IGBP1C: variants seen among roughly 807,000 people sequenced by gnomAD.
IGBP1C encodes immunoglobulin-binding protein 1 family member C.
the IGBP1C span, among the ~76,000 whole-genome samples, chr17:58,684,454 C>A: frequency 6.7e-6 from 1 of 148,632 alleles, no homozygotes; most frequent in Non-Finnish European, 1.5e-5. Flanking sequence ...AAGAGCGAAA[C>A]TCCGTCCCAA....
chr17:58,677,549 A>G, the IGBP1C span: 1 of 152,252 alleles, frequency 6.6e-6, no homozygotes, highest in African/African-American at 2.4e-5. Context: ...CACATTGGCT[A>G]CTTCCCATTT....
chr17:58,692,021 G>C, the IGBP1C span: 1 of 153,458 alleles, frequency 6.5e-6, no homozygotes, highest in African/African-American at 2.4e-5. Flanking sequence ...CGACTCCCGG[G>C]AAGACGTGGG....
chr17:58,663,279 G>A, the IGBP1C span, among the ~76,000 whole-genome samples: 15 of 151,328 alleles, frequency 9.9e-5, no homozygotes, highest in African/African-American at 2.9e-4. Context: ...AAAATTAGCC[G>A]GTTGTGGCGG....
At chr17:58,684,751 G>T in the IGBP1C span, among the ~76,000 whole-genome samples, 3 of 152,130 alleles carry the variant, frequency 2.0e-5, no homozygotes, top group African/African-American at 7.2e-5. Flanking sequence ...GAGGTGGGCA[G>T]ATCACCTGAG....
chr17:58,668,113 C>CTGATCAGGA, the IGBP1C span, among the ~76,000 whole-genome samples: 3 of 152,174 alleles, frequency 2.0e-5, no homozygotes, highest in South Asian at 6.2e-4. Flanking sequence ...CCCAGCCTGT[C>CTGATCAGGA]TTCAGCAAGA....
the IGBP1C span, among the ~76,000 whole-genome samples, chr17:58,680,426 T>G: frequency 6.6e-5 from 10 of 152,186 alleles, no homozygotes; most frequent in African/African-American, 2.2e-4. Context: ...AAAGATCAAT[T>G]GCACAAACGC....
At chr17:58,666,458 C>CA in the IGBP1C span, 15 of 36,834 alleles carry the variant, frequency 4.1e-4, 2 homozygotes, top group African/African-American at 1.3e-3. Flanking sequence ...CCTTCCACGG[C>CA]AAAAAAAAAA....
At chr17:58,684,678 TAAAA>T in the IGBP1C span, among the ~76,000 whole-genome samples, 34 of 146,120 alleles carry the variant, frequency 2.3e-4, no homozygotes, top group African/African-American at 7.4e-4. Context: ...AATAAATAAA[TAAAA>T]AGCTTTCTTC....
At chr17:58,676,740 C>T in the IGBP1C span, among the ~76,000 whole-genome samples, 2 of 152,130 alleles carry the variant, frequency 1.3e-5, no homozygotes, top group Non-Finnish European at 2.9e-5. Flanking sequence ...AATCCCAGCA[C>T]CTTGAGAGGC....
the IGBP1C span, among the ~76,000 whole-genome samples, chr17:58,679,132 C>G: frequency 9.9e-5 from 15 of 151,864 alleles, no homozygotes; most frequent in African/African-American, 3.6e-4. Flanking sequence ...CCAGCCTGGG[C>G]TACAAGAGCG....
chr17:58,676,403 A>C, the IGBP1C span, among the ~76,000 whole-genome samples: 48 of 149,442 alleles, frequency 3.2e-4, no homozygotes, highest in Admixed American at 1.1e-3. Context: ...ACAAAAAAAA[A>C]CACAAAAAAA....
At chr17:58,680,540 G>A in the IGBP1C span, among the ~76,000 whole-genome samples, 6 of 152,020 alleles carry the variant, frequency 3.9e-5, no homozygotes, top group South Asian at 8.3e-4. Flanking sequence ...TCAGGAATTC[G>A]AGACCAGCCT....
chr17:58,664,943 A>G, the IGBP1C span, among the ~76,000 whole-genome samples: 1 of 152,148 alleles, frequency 6.6e-6, no homozygotes. Flanking sequence ...GGGCTGAAGT[A>G]TAAGTTTTCC....
chr17:58,667,557 C>G, the IGBP1C span, among the ~76,000 whole-genome samples: 1 of 152,132 alleles, frequency 6.6e-6, no homozygotes, highest in Non-Finnish European at 1.5e-5. Flanking sequence ...GGAATCATCC[C>G]CATTTCATGG....
the IGBP1C span, among the ~76,000 whole-genome samples, chr17:58,662,002 T>C: frequency 6.6e-6 from 1 of 151,940 alleles, no homozygotes; most frequent in Admixed American, 6.6e-5. Flanking sequence ...AAGATTCAAG[T>C]ATCTGCAGTT....
the IGBP1C span, chr17:58,661,270 G>C: frequency 5.0e-6 from 4 of 802,350 alleles, no homozygotes; most frequent in Admixed American, 6.8e-5. Flanking sequence ...ATTTTATAAA[G>C]TGTTCGCGAG....
chr17:58,662,415 TCACACACACACACA>T, the IGBP1C span, among the ~76,000 whole-genome samples: 15 of 114,996 alleles, frequency 1.3e-4, no homozygotes, highest in Non-Finnish European at 2.2e-4. Context: ...CACACATATC[TCACACACACACACA>T]CACACACACA....
chr17:58,660,986 A>AT, the IGBP1C span: 3 of 1,168,434 alleles, frequency 2.6e-6, no homozygotes, highest in Non-Finnish European at 3.9e-6. Flanking sequence ...TTCTAAGCTG[A>AT]TATCAATCCA....
chr17:58,667,670 A>C, the IGBP1C span, among the ~76,000 whole-genome samples: 1 of 152,148 alleles, frequency 6.6e-6, no homozygotes, highest in Non-Finnish European at 1.5e-5. Context: ...GAATCACTTG[A>C]GGTCAGGAGT....
Sources: allele counts gnomAD v4.1 joint callset (sites outside exome capture counted in the v4.1 genomes callset), GRCh38; gene constraint gnomAD v4.1.1; transcripts MANE v1.5; gene names NCBI Gene and HGNC (gene_info 2026-07-23, HGNC 2026-07-21).